TMPRSS6: variants seen among roughly 807,000 people sequenced by gnomAD.
TMPRSS6 encodes the protein transmembrane protease serine 6.
Under a neutral mutation model 101.5 loss-of-function variants are expected in TMPRSS6, and 67 were observed. The observed-to-expected ratio is 0.66, with a 90% CI of 0.54 to 0.81. The LOEUF (loss-of-function observed/expected upper bound fraction) is 0.81. Among genes scored for constraint, TMPRSS6 ranks in the 30% least tolerant of loss-of-function variants. TMPRSS6 has a pLI of 0.00. For synonymous variants in TMPRSS6, 453 were observed against 464.9 expected (o/e 0.97, Z 0.33); for missense variants, 1,034 against 1,088.7 (o/e 0.95, Z 0.71).
At position 37,084,819 on chromosome 22, in the gene TMPRSS6, G is replaced by C; in HGVS notation, c.994C>G (p.Leu332Val). Residue 332 changes from leucine (L) to valine (V), a missense_variant, in exon 9 of 18, where the codon CTG (leucine) becomes GTG (valine). Transcript: ENST00000676104. ...VFQACEVNLT[L>V]DNRLDSQGVL... is the part of the protein sequence containing the mutation. ...CCCTGGGAGTCGAGCCTGTTGTCCA[G>C]CGTCAGGTTCACTTCACAGGCTGGA... 1 of 1,556,408 alleles carries C rather than the reference G, an allele frequency of 6.4e-7. No individual in the cohort carries two copies. Among genetic ancestry groups the C allele is most frequent in the African/African-American group, 1.4e-5 (1 of 73,590 alleles).
rs1168842318 is a variant in TMPRSS6 at position 37,103,130 on chromosome 22, T to C, written c.202+86A>G. The C allele has an allele frequency of 1.4e-6, 2 of 1,436,554 alleles. No individual in the cohort carries two copies. Among genetic ancestry groups the C allele is most frequent in the Admixed American group, 3.5e-5 (2 of 57,736 alleles). 89.0% of individuals were successfully genotyped at this position (1,436,554 alleles called of 1,614,324 possible). A position where few individuals can be genotyped will look rare whatever the true frequency, so the allele number is the denominator to read the frequency against. ...GCAATATGCTAAGCACGGCTGAGCCTGGAACCCAGTCCTGTCCTGCTGTGC... is the reference window on the plus strand; with the variant it reads ...GCAATATGCTAAGCACGGCTGAGCCCGGAACCCAGTCCTGTCCTGCTGTGC... On this transcript the variant is annotated intron_variant, in intron 2 of 17. Transcript: ENST00000676104. This position sits in a 1 kb window ranked among gnomAD's most constrained non-coding sequence, Gnocchi z 4.4.
intron 8 of TMPRSS6, 61 bp from the exon 9 acceptor site, chr22:37,084,900 C>T (rs532282432): frequency 1.4e-5 from 19 of 1,357,168 alleles, no homozygotes; most frequent in African/African-American, 5.8e-5. Flanking sequence ...AGCAGGCTGG[C>T]GCAGCTTGTA....
Position 37,070,781 on chromosome 22 carries a change from C to T in TMPRSS6, c.1673-129G>A, listed in dbSNP as rs970868886. The T allele has an allele frequency of 5.3e-6, 7 of 1,315,070 alleles. No individual in the cohort carries two copies. The African/African-American group carries it at 5.8e-5, about 11-fold the overall frequency. 81.5% of individuals were successfully genotyped at this position (1,315,070 alleles called of 1,614,324 possible). A position where few individuals can be genotyped will look rare whatever the true frequency, so the allele number is the denominator to read the frequency against. ...AGAATGATGGAGGGGGAGAGACCAT[C>T]AGGACCCAGGCAAGGGGGCAGAGGA... On this transcript the variant is annotated intron_variant, in intron 14 of 17. Transcript: ENST00000676104.
At chr22:37,086,131 G>A (rs1030737335) in intron 8 of TMPRSS6, 152 bp downstream of exon 8, 3 of 1,000,292 alleles carry the variant, frequency 3.0e-6, no homozygotes, top group African/African-American at 1.6e-5. Context: ...GGGGGCCGGG[G>A]TGGGGAGTGG....
chr22:37,097,378 G>A lies in TMPRSS6; in HGVS notation c.337-663C>T, dbSNP rs1396951309. On this transcript the variant is annotated intron_variant, in intron 3 of 17. Transcript: ENST00000676104. Reference sequence around the variant, plus strand: ...AAGTGGGCAACCAACACAGGGCCATGAATGCGCAGTGTAGAGCTGAGAGCA... The same window carrying A: ...AAGTGGGCAACCAACACAGGGCCATAAATGCGCAGTGTAGAGCTGAGAGCA... Among the ~76,000 whole-genome samples, 3 of 152,376 alleles carry A rather than the reference G, an allele frequency of 2.0e-5. No individual in the cohort carries two copies. The South Asian group carries it at 6.2e-4, about 32-fold the overall frequency.
At chr22:37,099,752 A>C (rs115610891) in intron 2 of TMPRSS6, among the ~76,000 whole-genome samples, 2,334 of 152,286 alleles carry the variant, frequency 0.015, 75 homozygotes, top group African/African-American at 0.053. Context: ...GAAGAAGGTG[A>C]TGTACATCTG....
intron 2 of TMPRSS6, among the ~76,000 whole-genome samples, chr22:37,100,889 C>T (rs981643663): frequency 2.0e-5 from 3 of 152,174 alleles, no homozygotes; most frequent in East Asian, 1.9e-4. Flanking sequence ...GACCCGGTGG[C>T]GGCCCAAAGT....
intron 6 of TMPRSS6, among the ~76,000 whole-genome samples, chr22:37,093,436 C>T (rs1244984595): frequency 3.9e-5 from 5 of 128,092 alleles, no homozygotes; most frequent in Non-Finnish European, 7.8e-5. Flanking sequence ...ACTCTGTCGC[C>T]CAGGCTGGAG....
At position 37,103,365 on chromosome 22, in the gene TMPRSS6, T is replaced by C; in HGVS notation, c.53A>G (p.Asp18Gly). Residue 18 changes from aspartate to glycine, a missense_variant, in exon 2 of 18, where the codon GAT (aspartate) becomes GGT (glycine). Physicochemically the swap from Asp to Gly is moderately conservative, Grantham distance 94. Transcript: ENST00000676104. This position sits in a 1 kb window ranked among gnomAD's most constrained non-coding sequence, Gnocchi z 4.4. ...QVAGGQGDGGDGEEAEPEGMF... is the reference protein window; with the variant it reads ...QVAGGQGDGGGGEEAEPEGMF... ...CCCCTCCGGCTCCGCTTCCTCGCCATCACCTCCGTCCCCCTGCCCGCCAGC... is the reference window on the plus strand; with the variant it reads ...CCCCTCCGGCTCCGCTTCCTCGCCACCACCTCCGTCCCCCTGCCCGCCAGC... The C allele has an allele frequency of 4.3e-6, 7 of 1,614,116 alleles. No individual in the cohort carries two copies. The highest frequency in any genetic ancestry group is 5.9e-6 in the Non-Finnish European group (7 of 1,180,008).
At chr22:37,084,671 G>C in intron 9 of TMPRSS6, 56 bp downstream of exon 9, 1 of 1,425,192 alleles carries the variant, frequency 7.0e-7, no homozygotes. Flanking sequence ...GGGTCACCAG[G>C]GACCTGTAGT....
Position 37,066,915 on chromosome 22 carries a change from G to A in TMPRSS6, c.2161C>T (p.Gln721Ter), listed in dbSNP as rs1446676048. The change falls in exon 17 of 18, where the codon CAG becomes TAG. Residue 721 changes from glutamine to a stop codon, truncating the protein, a stop_gained. Coordinates refer to ENST00000676104, the MANE Select transcript of TMPRSS6 (RefSeq NM_001374504.1). LOFTEE classifies it high-confidence loss of function. ...CGATAGACCTCGCTGCACAGGTCCT[G>A]TGGGATCAACTGCACATCCACTTTC... ...LQKVDVQLIP[Q>*]DLCSEVYRYQ... is the part of the protein sequence containing the mutation. 1 of 1,614,200 alleles carries A rather than the reference G, an allele frequency of 6.2e-7. No homozygotes were observed. Among genetic ancestry groups the A allele is most frequent in the Non-Finnish European group, 8.5e-7 (1 of 1,180,044 alleles).
At chr22:37,072,445 TG>T (rs1278454627) in intron 13 of TMPRSS6, among the ~76,000 whole-genome samples, 2 of 138,244 alleles carry the variant, frequency 1.4e-5, no homozygotes, top group African/African-American at 5.7e-5. Flanking sequence ...GGATGATGGA[TG>T]GATGGATGAT....
At position 37,103,287 on chromosome 22, in the gene TMPRSS6, A is replaced by G; in HGVS notation, c.131T>C (p.Leu44Pro). Residue 44 changes from leucine to proline, a missense_variant, in exon 2 of 18, where the codon CTG becomes CCG. Coordinates refer to ENST00000676104, the MANE Select transcript of TMPRSS6 (RefSeq NM_001374504.1). The surrounding 1 kb of genome is among the most constrained non-coding windows in gnomAD (Gnocchi z 4.4). ...GGCCAGCAGCACAAACAGGGGCACCAGGCGGAGGTAGCCCCGGGCTTTTCT... is the reference window on the plus strand; with the variant it reads ...GGCCAGCAGCACAAACAGGGGCACCGGGCGGAGGTAGCCCCGGGCTTTTCT... ...SKRKARGYLR[L>P]VPLFVLLALL... is the part of the protein sequence containing the mutation. 6.2e-7 allele frequency: 1 copy of G among 1,614,160 alleles called. No individual in the cohort carries two copies. Among genetic ancestry groups the G allele is most frequent in the Non-Finnish European group, 8.5e-7 (1 of 1,180,000 alleles).
rs116795891 is a variant in TMPRSS6, at chr22:37,065,994, G to A, written c.*86C>T. ...GGGCCTGCTCTCTCCCCCACCCCCC[G>A]CCAGAATACTTGTCCCCCTGCTTGG... On this transcript the variant is annotated 3_prime_UTR_variant, in exon 18 of 18. Coordinates refer to ENST00000676104, the MANE Select transcript of TMPRSS6 (RefSeq NM_001374504.1). The A allele has an allele frequency of 9.5e-3, 14,726 of 1,557,390 alleles. 603 individuals are homozygous for A. Among genetic ancestry groups the A allele is most frequent in the South Asian group, 0.087 (7,719 of 89,140 alleles).
chr22:37,106,926 C>T (rs1930749711), intron 1 of TMPRSS6, among the ~76,000 whole-genome samples: 1 of 152,240 alleles, frequency 6.6e-6, no homozygotes, highest in African/African-American at 2.4e-5. Context: ...CTGCCCCCTC[C>T]CCTGGGCAGC....
intron 2 of TMPRSS6, among the ~76,000 whole-genome samples, chr22:37,100,596 T>C (rs1359866354): frequency 1.3e-5 from 2 of 152,140 alleles, no homozygotes; most frequent in African/African-American, 4.8e-5. Flanking sequence ...GACTGGGATG[T>C]TGGAGGTACA....
chr22:37,097,299 G>T (rs1016903576), intron 3 of TMPRSS6, among the ~76,000 whole-genome samples: 4 of 152,248 alleles, frequency 2.6e-5, no homozygotes, highest in Admixed American at 6.5e-5. Flanking sequence ...GGTGGGGCAA[G>T]TGGTTTATTT....
rs60484081 is a variant in TMPRSS6, at chr22:37,069,345, CTGGGGTGGGG to C, written c.1842-11_1842-2del. On this transcript the variant is annotated splice_acceptor_variant and splice_polypyrimidine_tract_variant and intron_variant, in intron 15 of 17. Transcript: ENST00000676104. LOFTEE classifies it high-confidence loss of function. The surrounding 1 kb of genome is among the most constrained non-coding windows in gnomAD (Gnocchi z 4.8). ...GGTCCACAGCACCGTGGAGGCCATGCTGGGGTGGGGTGGGGTGGGGTGGGGTGGGGTGAGG... is the reference window on the plus strand; with the variant it reads ...GGTCCACAGCACCGTGGAGGCCATGCTGGGGTGGGGTGGGGTGGGGTGAGG... 133 of 418,402 alleles carry C rather than the reference CTGGGGTGGGG, an allele frequency of 3.2e-4. 3 individuals carry two copies. Among genetic ancestry groups the C allele is most frequent in the African/African-American group, 5.8e-4 (21 of 36,492 alleles). The allele number at this position is 418,402 out of a possible 1,614,324, so 25.9% of individuals were successfully genotyped here.
chr22:37,072,472 TGGATG>T (rs1927117112), intron 13 of TMPRSS6, among the ~76,000 whole-genome samples: 2 of 118,884 alleles, frequency 1.7e-5, no homozygotes, highest in Non-Finnish European at 3.5e-5. Flanking sequence ...GATGGATGGA[TGGATG>T]GATGGATGAT....
Sources: allele counts gnomAD v4.1 joint callset (sites outside exome capture counted in the v4.1 genomes callset), GRCh38; gene constraint gnomAD v4.1.1; non-coding constraint Gnocchi (gnomAD v3.1); transcripts MANE v1.5; gene names NCBI Gene and HGNC (gene_info 2026-07-23, HGNC 2026-07-21).